ZNF536: variants seen among roughly 807,000 people sequenced by gnomAD.
ZNF536 encodes the protein zinc finger protein 536.
A neutral mutation model predicts 84.5 loss-of-function variants in ZNF536; 13 were observed. That is an observed-to-expected ratio of 0.15 (90% CI 0.10 to 0.24). The LOEUF (loss-of-function observed/expected upper bound fraction) is 0.24. Among genes scored for constraint, ZNF536 ranks in the 10% least tolerant of loss-of-function variants. The pLI, the probability that ZNF536 is intolerant of heterozygous loss-of-function variation, is 1.00. For missense variants in ZNF536, 1,536 were observed against 1,747.5 expected, an observed-to-expected ratio of 0.88 and a Z score of 2.16; for synonymous variants, 811 against 742.5, an observed-to-expected ratio of 1.09 and a Z score of -1.50.
chr19:30,412,993 T>G (rs1403529984), intron 1 of ZNF536, among the ~76,000 whole-genome samples: 2 of 151,464 alleles, frequency 1.3e-5, no homozygotes, highest in African/African-American at 2.4e-5. Context: ...TAGTGTAGAT[T>G]TTCAAATTTA....
At chr19:30,644,416 G>A (rs537347816) in intron 1 of ZNF536, among the ~76,000 whole-genome samples, 1 of 151,886 alleles carries the variant, frequency 6.6e-6, no homozygotes, top group African/African-American at 2.4e-5. Flanking sequence ...TGCACAACAT[G>A]CAGGTTAGTT....
intron 4 of ZNF536, among the ~76,000 whole-genome samples, chr19:30,550,114 G>A (rs777458891): frequency 1.6e-4 from 24 of 152,084 alleles, no homozygotes; most frequent in East Asian, 5.8e-4. Context: ...GGCCTTCTGC[G>A]CTTGCCTTCT....
chr19:30,266,865 C>A (rs2025540881), intron 1 of ZNF536, among the ~76,000 whole-genome samples: 2 of 152,130 alleles, frequency 1.3e-5, no homozygotes, highest in Non-Finnish European at 2.9e-5. Context: ...CGCACTCACA[C>A]ACATCTGTGT....
chr19:30,427,614 C>T (rs1423649010), intron 1 of ZNF536, among the ~76,000 whole-genome samples: 5 of 152,142 alleles, frequency 3.3e-5, no homozygotes, highest in South Asian at 4.2e-4. Flanking sequence ...CTAGATTTCT[C>T]GGGGTCATGT....
rs1442543451 is a variant in ZNF536, at chr19:30,596,317, AAAAG to A, written c.169+46806_169+46809del. The stretch of plus-strand genomic sequence containing the variant: ...TCATTTTTCCTTTGTATTTTTTAAT[AAAAG>A]AACGTCTCTGGCTGCTTAAAGTGAC... On this transcript the variant is annotated intron_variant, in intron 1 of 1. Coordinates refer to the ZNF536 transcript ENST00000592773. Among the ~76,000 whole-genome samples, 9 of 152,354 alleles carry A rather than the reference AAAAG, an allele frequency of 5.9e-5. No homozygotes were observed. In the East Asian group the frequency reaches 1.7e-3, roughly 29 times the overall value.
intron 1 of ZNF536, among the ~76,000 whole-genome samples, chr19:30,280,859 G>T (rs530217377): frequency 1.3e-5 from 2 of 152,330 alleles, no homozygotes; most frequent in South Asian, 2.1e-4. Flanking sequence ...CTCATCCCCT[G>T]TGGGGAGCCC....
intron 2 of ZNF536, among the ~76,000 whole-genome samples, chr19:30,522,536 G>A (rs2044403490): frequency 6.6e-6 from 1 of 151,668 alleles, no homozygotes; most frequent in Admixed American, 6.6e-5. Flanking sequence ...ATTTACCATA[G>A]CAACCTCCTG....
chr19:30,513,066 G>A (rs2055483857), intron 2 of ZNF536, among the ~76,000 whole-genome samples: 1 of 151,308 alleles, frequency 6.6e-6, no homozygotes, highest in Admixed American at 6.6e-5. Flanking sequence ...TTCTTTATAT[G>A]TACACACACT....
intron 1 of ZNF536, among the ~76,000 whole-genome samples, chr19:30,414,069 G>A (rs371689468): frequency 1.6e-4 from 21 of 129,378 alleles, no homozygotes; most frequent in East Asian, 9.9e-4. Flanking sequence ...CTCCAACCCC[G>A]GGCAACAGTG....
intron 1 of ZNF536, among the ~76,000 whole-genome samples, chr19:30,235,768 A>G (rs1396411379): frequency 6.6e-6 from 1 of 152,248 alleles, no homozygotes; most frequent in Non-Finnish European, 1.5e-5. Flanking sequence ...CATTTATATG[A>G]AGCCTATTGA....
chr19:30,234,744 TACACACAC>T (rs111232052), intron 1 of ZNF536, among the ~76,000 whole-genome samples: 13,651 of 147,692 alleles, frequency 0.092, 931 homozygotes, highest in African/African-American at 0.19. Flanking sequence ...ATTACTAAAT[TACACACAC>T]ACACACACAC....
At chr19:30,495,024 C>T (rs1217291639) in intron 2 of ZNF536, among the ~76,000 whole-genome samples, 1 of 150,728 alleles carries the variant, frequency 6.6e-6, no homozygotes, top group Non-Finnish European at 1.5e-5. Context: ...GTGAATATTT[C>T]CAAGATTACA....
rs115432533 is a variant in ZNF536, at chr19:30,569,065, A to T, written c.169+19551A>T. On this transcript the variant is annotated intron_variant, in intron 1 of 1. Transcript: ENST00000592773. ...GAGAACTAAATGATGAATCCATAGG[A>T]ATCAATGAGCAGAGAGGACACACCA... Among the ~76,000 whole-genome samples, 271 of 152,316 alleles carry T rather than the reference A, an allele frequency of 1.8e-3. 1 individual carries two copies. Among genetic ancestry groups the T allele is most frequent in the African/African-American group, 6.3e-3 (260 of 41,586 alleles).
rs374004915 is a variant in ZNF536 at position 30,654,656 on chromosome 19, G to A, written c.170-56101G>A. Among the ~76,000 whole-genome samples the A allele has an allele frequency of 1.8e-4, 28 of 152,252 alleles. No homozygotes were observed. The South Asian group carries it at 4.6e-3, about 25-fold the overall frequency. On this transcript the variant is annotated intron_variant, in intron 1 of 1. Coordinates refer to the ZNF536 transcript ENST00000592773. ...AGGTCTTTAGTTCTTTTAACCGGGCGATTGTTGCTGTAATGGGTCTCAGTG... is the reference window on the plus strand; with the variant it reads ...AGGTCTTTAGTTCTTTTAACCGGGCAATTGTTGCTGTAATGGGTCTCAGTG...
chr19:30,373,481 A>G (rs2048690977), intron 1 of ZNF536, among the ~76,000 whole-genome samples: 1 of 152,234 alleles, frequency 6.6e-6, no homozygotes, highest in Non-Finnish European at 1.5e-5. Flanking sequence ...CAGCCTGTCA[A>G]AGAAATAAGA....
chr19:30,691,523 A>C (rs1428112119), intron 1 of ZNF536, among the ~76,000 whole-genome samples: 1 of 152,100 alleles, frequency 6.6e-6, no homozygotes, highest in Admixed American at 6.5e-5. Context: ...GTAATTTGGG[A>C]AGGTTGTATG....
intron 1 of ZNF536, among the ~76,000 whole-genome samples, chr19:30,280,466 C>T (rs536496223): frequency 5.3e-5 from 8 of 152,356 alleles, no homozygotes; most frequent in African/African-American, 1.7e-4. Flanking sequence ...GAGAGTCTGA[C>T]ACCACCCTTT....
intron 2 of ZNF536, among the ~76,000 whole-genome samples, chr19:30,294,542 C>A (rs944276131): frequency 1.5e-5 from 2 of 134,472 alleles, no homozygotes; most frequent in African/African-American, 5.8e-5. Flanking sequence ...CCTCTCTAGG[C>A]CCCAATATGT....
At chr19:30,309,048 G>A (rs1857982330) in intron 2 of ZNF536, among the ~76,000 whole-genome samples, 1 of 151,914 alleles carries the variant, frequency 6.6e-6, no homozygotes, top group African/African-American at 2.4e-5. Flanking sequence ...TTCCCACCCT[G>A]GTCTAGGAAA....
Sources: allele counts gnomAD v4.1 joint callset (sites outside exome capture counted in the v4.1 genomes callset), GRCh38; gene constraint gnomAD v4.1.1; transcripts MANE v1.5; gene names NCBI Gene and HGNC (gene_info 2026-07-23, HGNC 2026-07-21).